Variants in ADGRB3 observed in about 807,000 individuals in gnomAD.
The protein encoded by ADGRB3 is brain-specific angiogenesis inhibitor 3.
In ADGRB3, 37 loss-of-function variants were observed where a neutral mutation model predicts 193.4. That is an observed-to-expected ratio of 0.19 (90% CI 0.15 to 0.25). ADGRB3 has a LOEUF of 0.25. Among genes scored for constraint, ADGRB3 ranks in the 10% least tolerant of loss-of-function variants. The probability of loss-of-function intolerance (pLI) is 1.00; values close to 1 mark genes in which losing one functional copy is unlikely to be tolerated. For missense variants in ADGRB3, 1,637 were observed against 1,852.9 expected (o/e 0.88, Z 2.14); for synonymous variants, 690 against 644.2 (o/e 1.07, Z -1.08).
chr6:68,838,388 CT>C (rs1768086128), intron 3 of ADGRB3, among the ~76,000 whole-genome samples: 1 of 152,150 alleles, frequency 6.6e-6, no homozygotes, highest in Non-Finnish European at 1.5e-5. Flanking sequence ...ACCTCATTTT[CT>C]TTTCTCACTC....
At chr6:69,214,190 G>T (rs988554954) in intron 17 of ADGRB3, among the ~76,000 whole-genome samples, 2 of 152,130 alleles carry the variant, frequency 1.3e-5, no homozygotes, top group Admixed American at 1.3e-4. Flanking sequence ...TGATGGACAG[G>T]AATATGCAGG....
At chr6:69,256,544 C>T (rs1234147399) in intron 20 of ADGRB3, among the ~76,000 whole-genome samples, 3 of 151,878 alleles carry the variant, frequency 2.0e-5, no homozygotes, top group Non-Finnish European at 4.4e-5. Flanking sequence ...GATTTTTGTA[C>T]ATTGATTTTG....
At chr6:68,883,184 G>A (rs1193982665) in intron 3 of ADGRB3, among the ~76,000 whole-genome samples, 2 of 152,164 alleles carry the variant, frequency 1.3e-5, no homozygotes, top group Non-Finnish European at 2.9e-5. Flanking sequence ...ACCAATCAGT[G>A]CTCTGTGTCT....
intron 3 of ADGRB3, among the ~76,000 whole-genome samples, chr6:68,741,895 T>A (rs1765990336): frequency 6.6e-6 from 1 of 152,230 alleles, no homozygotes; most frequent in Admixed American, 6.5e-5. Flanking sequence ...TAGCTAAATA[T>A]GCAAATTCAT....
chr6:69,203,298 G>A (rs1765471219), intron 17 of ADGRB3, among the ~76,000 whole-genome samples: 1 of 152,088 alleles, frequency 6.6e-6, no homozygotes, highest in Non-Finnish European at 1.5e-5. Context: ...TAAGCTTTTA[G>A]CAACTACACC....
intron 17 of ADGRB3, among the ~76,000 whole-genome samples, chr6:69,175,977 G>T (rs1237202900): frequency 6.6e-6 from 1 of 152,094 alleles, no homozygotes; most frequent in Non-Finnish European, 1.5e-5. Flanking sequence ...ATTGATTTTG[G>T]TACATTGATT....
intron 28 of ADGRB3, among the ~76,000 whole-genome samples, chr6:69,356,852 T>C (rs1769346611): frequency 6.6e-6 from 1 of 152,134 alleles, no homozygotes. Context: ...AGTAGATGGC[T>C]CAATAGTTTT....
intron 20 of ADGRB3, among the ~76,000 whole-genome samples, chr6:69,256,981 T>C (rs367580511): frequency 3.3e-5 from 5 of 152,186 alleles, no homozygotes; most frequent in South Asian, 2.1e-4. Flanking sequence ...TTGTCTTTGG[T>C]TCTGTTTATA....
Position 68,817,320 on chromosome 6 carries a change from TA to T in ADGRB3, c.758-113238del, listed in dbSNP as rs1338739664. 1.2e-3 allele frequency among the ~76,000 whole-genome samples: 77 copies of T among 64,974 alleles called. 4 individuals are homozygous for T. Among genetic ancestry groups the T allele is most frequent in the Admixed American group, 1.4e-3 (11 of 7,878 alleles). 42.6% of individuals were successfully genotyped at this position (64,974 alleles called of 152,430 possible). On this transcript the variant is annotated intron_variant, in intron 3 of 31. Coordinates refer to ENST00000370598, the MANE Select transcript of ADGRB3 (RefSeq NM_001704.3). The stretch of plus-strand genomic sequence containing the variant: ...CCTTTTGTCCATGTATATATATATA[TA>T]TATATATATATATATATATATATAT...
chr6:69,099,584 A>G (rs1029652864), intron 17 of ADGRB3, among the ~76,000 whole-genome samples: 1 of 152,186 alleles, frequency 6.6e-6, no homozygotes, highest in Non-Finnish European at 1.5e-5. Flanking sequence ...TAAAAACACA[A>G]TGGCCTTTCT....
At chr6:69,246,820 C>A (rs1169428953) in intron 20 of ADGRB3, among the ~76,000 whole-genome samples, 1 of 152,112 alleles carries the variant, frequency 6.6e-6, no homozygotes, top group African/African-American at 2.4e-5. Context: ...AACTTCAAAG[C>A]CGATCAAAAC....
At chr6:69,326,488 G>T (rs1469131935) in intron 21 of ADGRB3, among the ~76,000 whole-genome samples, 1 of 152,082 alleles carries the variant, frequency 6.6e-6, no homozygotes, top group African/African-American at 2.4e-5. Context: ...TAAAGATTTT[G>T]AGGAGAGGGT....
chr6:68,705,971 A>G (rs1328346193), intron 3 of ADGRB3, among the ~76,000 whole-genome samples: 2 of 152,190 alleles, frequency 1.3e-5, no homozygotes, highest in Non-Finnish European at 2.9e-5. Context: ...TATCATCTAA[A>G]GGATGATGGT....
chr6:68,838,355 C>T (rs1180974157), intron 3 of ADGRB3, among the ~76,000 whole-genome samples: 1 of 152,168 alleles, frequency 6.6e-6, no homozygotes, highest in East Asian at 1.9e-4. Context: ...TAATATAGCT[C>T]CTGAGGTTAT....
Position 68,836,995 on chromosome 6 carries a change from A to T in ADGRB3, c.758-93564A>T, listed in dbSNP as rs191957908. Among the ~76,000 whole-genome samples the T allele has an allele frequency of 2.2e-3, 338 of 152,312 alleles. 3 individuals are homozygous for T. The highest frequency in any genetic ancestry group is 7.6e-3 in the African/African-American group (317 of 41,564). On this transcript the variant is annotated intron_variant, in intron 3 of 31. Transcript: ENST00000370598. Reference sequence around the variant, plus strand: ...TTTTGAGGATCTTAATTTACAGAATATGAAAAACTGTTTAGCTTTTTCTTT... The same window carrying T: ...TTTTGAGGATCTTAATTTACAGAATTTGAAAAACTGTTTAGCTTTTTCTTT...
chr6:69,143,732 T>C (rs1460125296), intron 17 of ADGRB3, among the ~76,000 whole-genome samples: 1 of 152,174 alleles, frequency 6.6e-6, no homozygotes. Flanking sequence ...TTCTTCTCCA[T>C]TGGTTTATGT....
At chr6:69,200,349 G>A (rs1219586096) in intron 17 of ADGRB3, among the ~76,000 whole-genome samples, 1 of 152,028 alleles carries the variant, frequency 6.6e-6, no homozygotes, top group Non-Finnish European at 1.5e-5. Context: ...CACAGATGTG[G>A]CAGAGAGAAC....
At position 68,974,871 on chromosome 6, in the gene ADGRB3, T is replaced by C. The variant is rs1051287360; in HGVS notation, c.1627+7T>C. The C allele has an allele frequency of 1.2e-6, 2 of 1,609,814 alleles. No individual in the cohort carries two copies. The highest frequency in any genetic ancestry group is 1.7e-6 in the Non-Finnish European group (2 of 1,176,442). On this transcript the variant is annotated splice_region_variant and intron_variant, in intron 9 of 31. Coordinates refer to ENST00000370598, the MANE Select transcript of ADGRB3 (RefSeq NM_001704.3). Reference sequence around the variant, plus strand: ...TGTCCCCTGAATGCCACAGGTACAGTAGGATGACCCACCCAAACCCTAGTG... The same window carrying C: ...TGTCCCCTGAATGCCACAGGTACAGCAGGATGACCCACCCAAACCCTAGTG...
At chr6:69,102,589 C>T (rs1773096254) in intron 17 of ADGRB3, among the ~76,000 whole-genome samples, 1 of 152,186 alleles carries the variant, frequency 6.6e-6, no homozygotes, top group Admixed American at 6.5e-5. Context: ...CAGAGGCATT[C>T]ATGTCATTCT....
Sources: allele counts gnomAD v4.1 joint callset (sites outside exome capture counted in the v4.1 genomes callset), GRCh38; gene constraint gnomAD v4.1.1; transcripts MANE v1.5; gene names NCBI Gene and HGNC (gene_info 2026-07-23, HGNC 2026-07-21).